The following TRAF3IP1 variants were observed in gnomAD, a reference collection of about 807,000 sequenced individuals.
TRAF3IP1 encodes intraflagellar transport 54.
Under a neutral mutation model 89.9 loss-of-function variants are expected in TRAF3IP1, and 53 were observed. The observed-to-expected ratio is 0.59, with a 90% CI of 0.47 to 0.74. TRAF3IP1 has a LOEUF of 0.74. Among genes scored for constraint, TRAF3IP1 ranks in the 30% least tolerant of loss-of-function variants. The probability of loss-of-function intolerance (pLI) is 0.00; values close to 1 mark genes in which losing one functional copy is unlikely to be tolerated. For missense variants in TRAF3IP1, 806 were observed against 866.1 expected (o/e 0.93, Z 0.87); for synonymous variants, 311 against 322.1 (o/e 0.97, Z 0.37).
Position 238,338,423 on chromosome 2 carries a change from T to A in TRAF3IP1, c.1125T>A (p.Asn375Lys). The change falls in exon 8 of 17, where the codon AAT (asparagine) becomes AAA (lysine). Residue 375 changes from asparagine to lysine, a missense_variant. By Grantham distance (94) the Asn-to-Lys change is moderately conservative (BLOSUM62 0). Around this residue, in one of 3 missense-constraint regions of TRAF3IP1, gnomAD observed 732 missense variants for 780.5 expected, o/e 0.94. Coordinates refer to ENST00000373327, the MANE Select transcript of TRAF3IP1 (RefSeq NM_015650.4). Reference sequence around the variant, plus strand: ...ACTCCATAGTGTCTGGAATAAATAATGAGCCAAATCAGGAAACGACAACAT... The same window carrying A: ...ACTCCATAGTGTCTGGAATAAATAAAGAGCCAAATCAGGAAACGACAACAT... ...SLDSIVSGIN[N>K]EPNQETTTSE... 1 of 1,599,014 alleles carries A rather than the reference T, an allele frequency of 6.3e-7. No homozygotes were observed.
Position 238,398,791 on chromosome 2 carries a change from C to T in TRAF3IP1, c.1948C>T (p.Leu650Phe). The T allele has an allele frequency of 6.2e-7, 1 of 1,611,886 alleles. No individual in the cohort carries two copies. The highest frequency in any genetic ancestry group is 8.5e-7 in the Non-Finnish European group (1 of 1,179,338). The stretch of plus-strand genomic sequence containing the variant: ...TGCCGTGGAGCCCTTAAAGGCTGAG[C>T]TCGCGGAGCTGGAGCAGCTGATCAA... ...DCAVEPLKAE[L>F]AELEQLIKDQ... Residue 650 changes from leucine (L) to phenylalanine (F), a missense_variant, in exon 17 of 17, where the codon CTC becomes TTC. Physicochemically the swap from Leu to Phe is conservative, Grantham distance 22. Transcript: ENST00000373327.
intron 1 of TRAF3IP1, among the ~76,000 whole-genome samples, chr2:238,323,661 G>T (rs562009851): frequency 6.6e-6 from 1 of 152,306 alleles, no homozygotes; most frequent in East Asian, 1.9e-4. Context: ...TAATAAATAT[G>T]CTTTATTAGC....
intron 15 of TRAF3IP1, among the ~76,000 whole-genome samples, chr2:238,361,093 T>C (rs1447874377): frequency 1.3e-5 from 2 of 151,404 alleles, no homozygotes. Context: ...TTGCCCAGGC[T>C]GGAGTGCAGT....
chr2:238,323,081 A>G (rs1377744262), intron 1 of TRAF3IP1, among the ~76,000 whole-genome samples: 1 of 147,606 alleles, frequency 6.8e-6, no homozygotes, highest in Non-Finnish European at 1.5e-5. Flanking sequence ...ATTGTTCACA[A>G]TTTTTTTTTT....
At chr2:238,376,023 G>A (rs1431025869) in intron 15 of TRAF3IP1, among the ~76,000 whole-genome samples, 2 of 151,982 alleles carry the variant, frequency 1.3e-5, no homozygotes, top group African/African-American at 4.8e-5. Flanking sequence ...TGTGTTCTCT[G>A]CCCCAGAGGT....
At chr2:238,370,466 T>C (rs1700065618) in intron 15 of TRAF3IP1, among the ~76,000 whole-genome samples, 2 of 152,152 alleles carry the variant, frequency 1.3e-5, no homozygotes, top group African/African-American at 4.8e-5. Flanking sequence ...TGTGTACATG[T>C]GTGTGTGCAA....
chr2:238,338,669 A>C (rs576289958), intron 8 of TRAF3IP1, among the ~76,000 whole-genome samples: 1 of 152,358 alleles, frequency 6.6e-6, no homozygotes, highest in Non-Finnish European at 1.5e-5. Context: ...CTTTTAGTTA[A>C]TTATATGCCT....
intron 5 of TRAF3IP1, 109 bp from the exon 6 acceptor site, chr2:238,332,715 G>C (rs1698188616): frequency 1.2e-6 from 1 of 804,442 alleles, no homozygotes; most frequent in African/African-American, 1.7e-5. Context: ...TGTTCTCATG[G>C]GAAGAATGAT....
At chr2:238,386,583 G>C (rs1406524086) in intron 15 of TRAF3IP1, among the ~76,000 whole-genome samples, 1 of 152,168 alleles carries the variant, frequency 6.6e-6, no homozygotes, top group East Asian at 1.9e-4. Context: ...AAAGTGCTGG[G>C]ATTACAAGCG....
chr2:238,320,802 G>C lies in TRAF3IP1; in HGVS notation c.123+17G>C, dbSNP rs1218396717. 7.2e-7 allele frequency: 1 copy of C among 1,395,134 alleles called. No homozygotes were observed. 86.4% of individuals were successfully genotyped at this position (1,395,134 alleles called of 1,614,324 possible). On this transcript the variant is annotated intron_variant, in intron 1 of 16. Coordinates refer to ENST00000373327, the MANE Select transcript of TRAF3IP1 (RefSeq NM_015650.4). ...ATCACGGAGGTGGGCGCCGGGGACC[G>C]GGCCCGGCCAGGTGCGGGTCGGGAT...
chr2:238,362,215 A>G (rs1002079725), intron 15 of TRAF3IP1, among the ~76,000 whole-genome samples: 5 of 149,372 alleles, frequency 3.3e-5, no homozygotes, highest in Non-Finnish European at 7.4e-5. Context: ...TCTTAGTATC[A>G]CCATCTTAAT....
At chr2:238,355,708 T>C (rs1176360909) in intron 14 of TRAF3IP1, among the ~76,000 whole-genome samples, 1 of 151,162 alleles carries the variant, frequency 6.6e-6, no homozygotes, top group Non-Finnish European at 1.5e-5. Context: ...TTTTTGGATG[T>C]CAATCTACAC....
At chr2:238,371,200 T>G (rs192231015) in intron 15 of TRAF3IP1, among the ~76,000 whole-genome samples, 1 of 152,242 alleles carries the variant, frequency 6.6e-6, no homozygotes, top group Admixed American at 6.5e-5. Flanking sequence ...GAGTCTGCAC[T>G]TGAAAAGGGC....
In TRAF3IP1 at chr2:238,399,138, T is replaced by A. The variant is rs1033433446; in HGVS notation, c.*219T>A. 8.7e-6 allele frequency: 4 copies of A among 459,290 alleles called. No individual in the cohort carries two copies. The highest frequency in any genetic ancestry group is 8.0e-5 in the African/African-American group (4 of 49,998). The allele number at this position is 459,290 out of a possible 1,614,324, so 28.5% of individuals were successfully genotyped here. On this transcript the variant is annotated 3_prime_UTR_variant, in exon 17 of 17. Coordinates refer to ENST00000373327, the MANE Select transcript of TRAF3IP1 (RefSeq NM_015650.4). ...TTCCAGATGGAATACTGGCTAGTTA[T>A]AAATAGCGCTTCCAAACACCTCTGT... is the stretch of plus-strand genomic sequence containing the variant.
At position 238,344,563 on chromosome 2, in the gene TRAF3IP1, A is replaced by G; in HGVS notation, c.1226A>G (p.Glu409Gly). 2 of 1,614,206 alleles carry G rather than the reference A, an allele frequency of 1.2e-6. No individual in the cohort carries two copies. Among genetic ancestry groups the G allele is most frequent in the Non-Finnish European group, 1.7e-6 (2 of 1,180,008 alleles). ...GATAATTCAGCTAGTCTGCGGTGTG[A>G]GAATATTCAGCCCAACCCCACAGAG... ...SDDNSASLRCENIQPNPTEKQ... is the reference protein window; with the variant it reads ...SDDNSASLRCGNIQPNPTEKQ... The change falls in exon 9 of 17, where the codon GAG becomes GGG. Residue 409 changes from glutamate to glycine, a missense_variant. Coordinates refer to ENST00000373327, the MANE Select transcript of TRAF3IP1 (RefSeq NM_015650.4).
At chr2:238,370,397 T>C (rs899975199) in intron 15 of TRAF3IP1, among the ~76,000 whole-genome samples, 17 of 152,256 alleles carry the variant, frequency 1.1e-4, no homozygotes, top group South Asian at 4.1e-4. Context: ...CATGTGTACA[T>C]GTGTATATAT....
chr2:238,398,562 G>A (rs1427434207), intron 16 of TRAF3IP1, among the ~76,000 whole-genome samples, 192 bp from the exon 17 acceptor site: 2 of 152,050 alleles, frequency 1.3e-5, no homozygotes, highest in African/African-American at 4.8e-5. Flanking sequence ...AATATTAACT[G>A]CTGCTTTTAT....
chr2:238,347,697 G>A (rs1167987824), intron 10 of TRAF3IP1, among the ~76,000 whole-genome samples: 1 of 152,002 alleles, frequency 6.6e-6, no homozygotes, highest in Non-Finnish European at 1.5e-5. Flanking sequence ...GCATGATCTC[G>A]GTTCACCGCA....
intron 1 of TRAF3IP1, among the ~76,000 whole-genome samples, chr2:238,322,585 G>A (rs1415701960): frequency 6.6e-6 from 1 of 151,464 alleles, no homozygotes; most frequent in Non-Finnish European, 1.5e-5. Flanking sequence ...CTACTCAGGA[G>A]GCTGAGTAGG....
Sources: allele counts gnomAD v4.1 joint callset (sites outside exome capture counted in the v4.1 genomes callset), GRCh38; gene constraint gnomAD v4.1.1; regional missense constraint gnomAD v4.1.1; transcripts MANE v1.5; gene names NCBI Gene and HGNC (gene_info 2026-07-23, HGNC 2026-07-21).